The following ADARB2 variants were observed in gnomAD, a reference collection of about 807,000 sequenced individuals.
ADARB2 encodes adenosine deaminase RNA specific B2 (inactive), also known as inactive double-stranded RNA-specific editase B2.
Under a neutral mutation model 62.2 loss-of-function variants are expected in ADARB2, and 25 were observed. That is an observed-to-expected ratio of 0.40 (90% CI 0.29 to 0.56). The LOEUF (loss-of-function observed/expected upper bound fraction) is 0.56, where lower values mean the gene tolerates loss of function less well. Among genes scored for constraint, ADARB2 ranks in the 20% least tolerant of loss-of-function variants. ADARB2 has a pLI of 0.43. For missense variants in ADARB2, 1,071 were observed against 1,077.4 expected (o/e 0.99, Z 0.08); for synonymous variants, 572 against 500.8 (o/e 1.14, Z -1.90).
At chr10:1,252,912 C>T (rs1831048919) in intron 4 of ADARB2, among the ~76,000 whole-genome samples, 1 of 152,262 alleles carries the variant, frequency 6.6e-6, no homozygotes, top group Non-Finnish European at 1.5e-5. Flanking sequence ...ATTCTCTAAA[C>T]ATTTCAAATG....
rs972515727 is a variant in ADARB2, at chr10:1,549,858, C to T, written c.101-170698G>A. Among the ~76,000 whole-genome samples, 6 of 152,146 alleles carry T rather than the reference C, an allele frequency of 3.9e-5. 1 individual carries two copies. The highest frequency in any genetic ancestry group is 9.7e-5 in the African/African-American group (4 of 41,432). ...CCGGAGAGACGGCAGCCAGGAGAGC[C>T]TCTCACCCCCTCTCCTGGGTGCTGG... On this transcript the variant is annotated intron_variant, in intron 1 of 9. Coordinates refer to ENST00000381312, the MANE Select transcript of ADARB2 (RefSeq NM_018702.4).
intron 3 of ADARB2, among the ~76,000 whole-genome samples, chr10:1,280,173 T>C (rs1831357580): frequency 6.6e-6 from 1 of 152,158 alleles, no homozygotes. Flanking sequence ...ATGGCCTCAC[T>C]TAACCTGAAC....
At chr10:1,535,223 A>G (rs1832313840) in intron 1 of ADARB2, among the ~76,000 whole-genome samples, 1 of 152,136 alleles carries the variant, frequency 6.6e-6, no homozygotes, top group Non-Finnish European at 1.5e-5. Flanking sequence ...CCCGGGCAAC[A>G]CAGACATCAG....
chr10:1,415,677 A>G (rs983395963), intron 1 of ADARB2, among the ~76,000 whole-genome samples: 4 of 152,256 alleles, frequency 2.6e-5, no homozygotes, highest in Admixed American at 2.6e-4. Context: ...GCCATAATGA[A>G]GCAGATTAGC....
intron 8 of ADARB2, among the ~76,000 whole-genome samples, chr10:1,197,492 G>A (rs1482860774): frequency 6.6e-6 from 1 of 152,198 alleles, no homozygotes. Context: ...CGCCCCAGCT[G>A]GCCCTTTTCA....
At chr10:1,579,305 T>G (rs778734901) in intron 1 of ADARB2, among the ~76,000 whole-genome samples, 8 of 152,202 alleles carry the variant, frequency 5.3e-5, no homozygotes, top group Non-Finnish European at 1.0e-4. Flanking sequence ...CCTCCTACGA[T>G]TGCCTGCGTT....
In ADARB2 at chr10:1,304,975, G is replaced by A. The variant is rs1212472069; in HGVS notation, c.1078-33906C>T. Among the ~76,000 whole-genome samples the A allele has an allele frequency of 3.4e-5, 3 of 88,352 alleles. 1 individual carries two copies. Among genetic ancestry groups the A allele is most frequent in the Non-Finnish European group, 5.3e-5 (2 of 37,554 alleles). The allele number at this position is 88,352 out of a possible 152,430, so 58.0% of individuals were successfully genotyped here. A position where few individuals can be genotyped will look rare whatever the true frequency, so the allele number is the denominator to read the frequency against. ...CATCACAATTAAAAGAACTAGAAAA[G>A]CAAGAGCAAACACATTCAAAAGCTA... is the stretch of plus-strand genomic sequence containing the variant. On this transcript the variant is annotated intron_variant, in intron 3 of 9. Coordinates refer to ENST00000381312, the MANE Select transcript of ADARB2 (RefSeq NM_018702.4).
At chr10:1,302,056 TA>T (rs1831578093) in intron 3 of ADARB2, among the ~76,000 whole-genome samples, 1 of 152,220 alleles carries the variant, frequency 6.6e-6, no homozygotes, top group Non-Finnish European at 1.5e-5. Context: ...AGCTCCAGTC[TA>T]CAGCTCCCAG....
chr10:1,494,921 C>A (rs941751807), intron 1 of ADARB2, among the ~76,000 whole-genome samples: 1 of 152,168 alleles, frequency 6.6e-6, no homozygotes, highest in African/African-American at 2.4e-5. Flanking sequence ...CTTTGAAAAT[C>A]TGGAGCTATC....
chr10:1,646,619 T>C (rs1834046170), intron 1 of ADARB2, among the ~76,000 whole-genome samples: 2 of 152,354 alleles, frequency 1.3e-5, no homozygotes, highest in South Asian at 4.1e-4. Flanking sequence ...AGTCTTTCCA[T>C]CAAGATGAGA....
intron 1 of ADARB2, among the ~76,000 whole-genome samples, chr10:1,522,715 T>C (rs1832088038): frequency 6.6e-6 from 1 of 152,210 alleles, no homozygotes; most frequent in Admixed American, 6.5e-5. Context: ...CGTTTATACG[T>C]TAGTTATTGA....
intron 1 of ADARB2, among the ~76,000 whole-genome samples, chr10:1,715,319 A>G (rs1246212413): frequency 2.0e-5 from 3 of 152,102 alleles, no homozygotes; most frequent in Non-Finnish European, 4.4e-5. Flanking sequence ...AACTTTATCT[A>G]TGCCTTTTAT....
intron 4 of ADARB2, among the ~76,000 whole-genome samples, chr10:1,267,149 A>C (rs183223976): frequency 0.026 from 3,882 of 151,052 alleles, 62 homozygotes; most frequent in Middle Eastern, 0.051. Flanking sequence ...AAAAAAAAAA[A>C]AAACCTTTCC....
chr10:1,615,213 T>C (rs1243298648), intron 1 of ADARB2, among the ~76,000 whole-genome samples: 1 of 152,216 alleles, frequency 6.6e-6, no homozygotes, highest in African/African-American at 2.4e-5. Context: ...TGCTTAGTGG[T>C]CTGTCTGCCT....
At chr10:1,613,210 C>G (rs1240779973) in intron 1 of ADARB2, among the ~76,000 whole-genome samples, 2 of 152,204 alleles carry the variant, frequency 1.3e-5, no homozygotes, top group African/African-American at 4.8e-5. Context: ...TTACAGGAAG[C>G]AACATGGTTC....
chr10:1,224,366 CA>C (rs200506745), intron 6 of ADARB2, among the ~76,000 whole-genome samples: 51,498 of 151,782 alleles, frequency 0.34, 8,941 homozygotes, highest in South Asian at 0.47. Context: ...TTGATCTTTT[CA>C]AAAAAACAGC....
chr10:1,306,734 A>G (rs1831633445), intron 3 of ADARB2, among the ~76,000 whole-genome samples: 1 of 137,108 alleles, frequency 7.3e-6, no homozygotes, highest in African/African-American at 2.5e-5. Context: ...CAAAACAGAG[A>G]TATAGATCAA....
intron 1 of ADARB2, among the ~76,000 whole-genome samples, chr10:1,707,387 C>T (rs960079686): frequency 6.6e-6 from 1 of 152,216 alleles, no homozygotes; most frequent in African/African-American, 2.4e-5. Flanking sequence ...GTTTGTCTGC[C>T]CCAGTGAGAG....
intron 1 of ADARB2, among the ~76,000 whole-genome samples, chr10:1,418,172 G>T (rs572252826): frequency 6.6e-6 from 1 of 152,314 alleles, no homozygotes; most frequent in Non-Finnish European, 1.5e-5. Context: ...ACTTCATCGT[G>T]TTAGTTATGG....
Sources: allele counts gnomAD v4.1 joint callset (sites outside exome capture counted in the v4.1 genomes callset), GRCh38; gene constraint gnomAD v4.1.1; transcripts MANE v1.5; gene names NCBI Gene and HGNC (gene_info 2026-07-23, HGNC 2026-07-21).